POP1: variants seen among roughly 807,000 people sequenced by gnomAD.
POP1 encodes the protein ribonucleases P/MRP protein subunit POP1.
POP1 carries 75 observed loss-of-function variants against 102.2 expected under a neutral mutation model. The ratio of observed to expected loss-of-function variants is 0.73; its 90% CI spans 0.61 to 0.89. The LOEUF is 0.89. Ranked by LOEUF, POP1 falls within the 40% of genes least tolerant of loss-of-function variation. The pLI is 0.00. For synonymous variants in POP1, 436 were observed against 464.1 expected (o/e 0.94, Z 0.78); for missense variants, 1,116 against 1,267.4 (o/e 0.88, Z 1.81).
chr8:98,136,705 C>T lies in POP1; in HGVS notation c.1235C>T (p.Ser412Phe). Residue 412 changes from serine (S) to phenylalanine (F), a missense_variant, in exon 8 of 16, where the codon TCT becomes TTT. Ser to Phe is a radical substitution (Grantham distance 155, BLOSUM62 -2). Transcript: ENST00000401707. ...ACTAGAGATCCATGTCTACCATACTCTTGGATCTCTCCAACCACAGGCATT... is the reference window on the plus strand; with the variant it reads ...ACTAGAGATCCATGTCTACCATACTTTTGGATCTCTCCAACCACAGGCATT... ...DGTRDPCLPY[S>F]WISPTTGIII... 1 of 1,613,922 alleles carries T rather than the reference C, an allele frequency of 6.2e-7. No individual in the cohort carries two copies. Among genetic ancestry groups the T allele is most frequent in the Non-Finnish European group, 8.5e-7 (1 of 1,179,782 alleles).
Position 98,159,782 on chromosome 8 carries a change from A to AC in POP1, c.*1511_*1512insC, listed in dbSNP as rs1809756988. 6.6e-6 allele frequency: 1 copy of AC among 152,014 alleles called. No individual in the cohort carries two copies. The highest frequency in any genetic ancestry group is 2.4e-5 in the African/African-American group (1 of 41,346). The allele number at this position is 152,014 out of a possible 1,614,324, so 9.4% of individuals were successfully genotyped here. A position where few individuals can be genotyped will look rare whatever the true frequency, so the allele number is the denominator to read the frequency against. ...AACCCAGATGAGACTGAAAAAAAAA[A>AC]AACAGTGTAACTAAGTGGCATCTGT... On this transcript the variant is annotated 3_prime_UTR_variant, in exon 16 of 16. Coordinates refer to ENST00000401707, the MANE Select transcript of POP1 (RefSeq NM_001145860.2).
At chr8:98,117,814 G>A (rs1815887585) in intron 1 of POP1, 1 of 152,310 alleles carries the variant, frequency 6.6e-6, no homozygotes, top group African/African-American at 2.4e-5. Context: ...CCTAGTGATT[G>A]GGATATCATT....
chr8:98,127,449 C>G lies in POP1; in HGVS notation c.143-146C>G, dbSNP rs547208237. On this transcript the variant is annotated intron_variant, in intron 2 of 15. Coordinates refer to ENST00000401707, the MANE Select transcript of POP1 (RefSeq NM_001145860.2). ...ATTCACCTTCCTACGTAAGATTCCTCTTTAAAAATAAGTAGTAATAGCCAC... is the reference window on the plus strand; with the variant it reads ...ATTCACCTTCCTACGTAAGATTCCTGTTTAAAAATAAGTAGTAATAGCCAC... 9.5e-6 allele frequency: 9 copies of G among 943,906 alleles called. No individual in the cohort carries two copies. In the Admixed American group the frequency reaches 1.5e-4, roughly 15 times the overall value. 58.5% of individuals were successfully genotyped at this position (943,906 alleles called of 1,614,324 possible).
chr8:98,126,985 G>T (rs1220975912), intron 2 of POP1, among the ~76,000 whole-genome samples: 1 of 152,132 alleles, frequency 6.6e-6, no homozygotes, highest in Non-Finnish European at 1.5e-5. Flanking sequence ...AATAACAAAT[G>T]TATTTCTCAC....
At position 98,158,629 on chromosome 8, in the gene POP1, CAT is replaced by C. The variant is rs1479126662; in HGVS notation, c.*359_*360del. 1 of 246,612 alleles carries C rather than the reference CAT, an allele frequency of 4.1e-6. No homozygotes were observed. Among genetic ancestry groups the C allele is most frequent in the South Asian group, 5.0e-5 (1 of 20,066 alleles). 15.3% of individuals were successfully genotyped at this position (246,612 alleles called of 1,614,324 possible). ...AGGTCTATTTGAAAAACCTCATAGT[CAT>C]GTGATAAGCAACAATAGATGTTTAA... On this transcript the variant is annotated 3_prime_UTR_variant, in exon 16 of 16. Transcript: ENST00000401707.
In POP1 at chr8:98,130,697, T is replaced by G. The variant is rs190801188; in HGVS notation, c.735+471T>G. On this transcript the variant is annotated intron_variant, in intron 5 of 15. Transcript: ENST00000401707. ...AGGAACCAGGTCGTGCAGGTCTTGT[T>G]GATCATGTCAAGTTTTATTCACTAT... Among the ~76,000 whole-genome samples the G allele has an allele frequency of 2.6e-5, 4 of 152,310 alleles. No individual in the cohort carries two copies. The East Asian group carries it at 7.7e-4, about 29-fold the overall frequency.
intron 11 of POP1, among the ~76,000 whole-genome samples, chr8:98,144,797 C>T (rs1254238145): frequency 1.3e-5 from 2 of 152,194 alleles, no homozygotes; most frequent in Non-Finnish European, 2.9e-5. Context: ...GAACTTGCAG[C>T]ACACAGCACT....
chr8:98,134,772 T>C, intron 7 of POP1, 113 bp downstream of exon 7: 1 of 1,133,984 alleles, frequency 8.8e-7, no homozygotes. Flanking sequence ...TAGTCTGATA[T>C]TTGTATATGG....
In POP1 at chr8:98,127,837, C is replaced by T. The variant is rs1432891021; in HGVS notation, c.310+75C>T. 6.0e-6 allele frequency: 9 copies of T among 1,495,874 alleles called. No homozygotes were observed. In the East Asian group the frequency reaches 1.1e-4, roughly 19 times the overall value. 92.7% of individuals were successfully genotyped at this position (1,495,874 alleles called of 1,614,324 possible). Reference sequence around the variant, plus strand: ...TCTAGTGCAGCAACAAACTGCCCTCCTTGTGGTCCTGGCTCTGCCTCCCCT... The same window carrying T: ...TCTAGTGCAGCAACAAACTGCCCTCTTTGTGGTCCTGGCTCTGCCTCCCCT... On this transcript the variant is annotated intron_variant, in intron 3 of 15. Transcript: ENST00000401707.
rs768170336 is a variant in POP1 at position 98,156,150 on chromosome 8, C to T, written c.2158C>T (p.Gln720Ter). Reference protein sequence around the residue: ...QLTQDWESRVQAYEEPSVASS... With the variant: ...QLTQDWESRV ...AACTCAAGACTGGGAGTCAAGAGTC[C>T]AGGCTTACGAAGAACCTTCTGTAGC... is the stretch of plus-strand genomic sequence containing the variant. Residue 720 changes from glutamine to a stop codon, truncating the protein, a stop_gained, in exon 15 of 16, where the codon CAG becomes TAG. Coordinates refer to ENST00000401707, the MANE Select transcript of POP1 (RefSeq NM_001145860.2). LOFTEE classifies it high-confidence loss of function. 4.3e-6 allele frequency: 7 copies of T among 1,613,888 alleles called. No homozygotes were observed. Among genetic ancestry groups the T allele is most frequent in the Non-Finnish European group, 5.9e-6 (7 of 1,180,020 alleles).
rs137919406 is a variant in POP1, at chr8:98,157,963, C to A, written c.2767C>A (p.Pro923Thr). The A allele has an allele frequency of 6.2e-7, 1 of 1,613,614 alleles. No individual in the cohort carries two copies. The highest frequency in any genetic ancestry group is 2.2e-5 in the East Asian group (1 of 44,886). ...EKKKREKRQK[P>T]GRASSDGPAG... The stretch of plus-strand genomic sequence containing the variant: ...GAAGAAAAGGGAGAAGAGGCAGAAG[C>A]CAGGACGTGCCTCTTCTGATGGCCC... The change falls in exon 16 of 16, where the codon CCA becomes ACA. Residue 923 changes from proline to threonine, a missense_variant. Coordinates refer to ENST00000401707, the MANE Select transcript of POP1 (RefSeq NM_001145860.2).
intron 5 of POP1, among the ~76,000 whole-genome samples, chr8:98,130,704 G>A (rs1375455259): frequency 6.6e-6 from 1 of 152,180 alleles, no homozygotes; most frequent in Non-Finnish European, 1.5e-5. Context: ...TGTTGATCAT[G>A]TCAAGTTTTA....
intron 14 of POP1, among the ~76,000 whole-genome samples, chr8:98,150,855 CTGTT>C (rs1405439483): frequency 1.3e-5 from 2 of 152,120 alleles, no homozygotes; most frequent in African/African-American, 4.8e-5. Flanking sequence ...ATAAACCCTT[CTGTT>C]TGTTATTTAT....
intron 5 of POP1, among the ~76,000 whole-genome samples, 178 bp downstream of exon 5, chr8:98,130,404 A>AG (rs925994097): frequency 1.3e-5 from 2 of 152,208 alleles, no homozygotes; most frequent in Non-Finnish European, 2.9e-5. Context: ...GCCTAAAGTT[A>AG]GGGGGGTGAC....
intron 1 of POP1, among the ~76,000 whole-genome samples, chr8:98,122,260 C>T (rs1186468527): frequency 5.3e-5 from 8 of 152,122 alleles, no homozygotes; most frequent in South Asian, 2.1e-4. Flanking sequence ...TGGAAAATTA[C>T]GTCATTAGTG....
intron 5 of POP1, among the ~76,000 whole-genome samples, chr8:98,131,971 T>C (rs10453067): frequency 0.073 from 11,078 of 152,268 alleles, 624 homozygotes; most frequent in Middle Eastern, 0.16. Context: ...GTTGGTGGCC[T>C]ACATAGCACT....
rs180918093 is a variant in POP1, at chr8:98,125,059, T to A, written c.142+1580T>A. ...TATGATAAGGCTTTCACATTTTTTT[T>A]ATCTCATTTAAACCTCACAATGTTC... On this transcript the variant is annotated intron_variant, in intron 2 of 15. Transcript: ENST00000401707. Among the ~76,000 whole-genome samples the A allele has an allele frequency of 2.8e-3, 424 of 152,332 alleles. 1 individual carries two copies. The highest frequency in any genetic ancestry group is 9.3e-3 in the African/African-American group (388 of 41,576).
chr8:98,128,128 GGCCTGTCTCCAGGCCC>G (rs2130585778), intron 3 of POP1, among the ~76,000 whole-genome samples: 1 of 152,150 alleles, frequency 6.6e-6, no homozygotes, highest in East Asian at 1.9e-4. Context: ...TTATTTAAAG[GGCCTGTCTCCAGGCCC>G]TTTCCATCCT....
At chr8:98,141,537 G>A (rs1311903741) in intron 11 of POP1, among the ~76,000 whole-genome samples, 1 of 151,870 alleles carries the variant, frequency 6.6e-6, no homozygotes, top group African/African-American at 2.4e-5. Context: ...TAAAGTAAAG[G>A]TTTGTGTTGT....
Sources: gnomAD v4.1 joint callset for allele counts (sites outside exome capture counted in the v4.1 genomes callset) on GRCh38, gnomAD v4.1.1 for gene constraint, MANE v1.5 for transcripts, NCBI Gene and HGNC (gene_info 2026-07-23, HGNC 2026-07-21) for gene names.